BIN3: variants seen among roughly 807,000 people sequenced by gnomAD.
BIN3 encodes bridging integrator 3.
BIN3 carries 41 observed loss-of-function variants against 38.2 expected under a neutral mutation model. The ratio of observed to expected loss-of-function variants is 1.07; its 90% CI spans 0.84 to 1.39. The LOEUF (loss-of-function observed/expected upper bound fraction) is 1.39. Ranked by LOEUF, BIN3 falls within the 40% of genes most tolerant of loss-of-function variation. The pLI, the probability that BIN3 is intolerant of heterozygous loss-of-function variation, is 0.00. For synonymous variants in BIN3, 145 were observed against 122.6 expected, an observed-to-expected ratio of 1.18 and a Z score of -1.21; for missense variants, 361 against 324.3, an observed-to-expected ratio of 1.11 and a Z score of -0.87.
At chr8:22,632,778 G>A (rs1802247963) in intron 4 of BIN3, among the ~76,000 whole-genome samples, 1 of 144,886 alleles carries the variant, frequency 6.9e-6, no homozygotes, top group Admixed American at 7.3e-5. Flanking sequence ...GCATCATCTC[G>A]GCTCACTGCA....
In BIN3 at chr8:22,620,421, T is replaced by G. The variant is rs1017011308; in HGVS notation, c.*1001A>C. 2.3e-5 allele frequency: 3 copies of G among 128,844 alleles called. No homozygotes were observed. Among genetic ancestry groups the G allele is most frequent in the African/African-American group, 7.5e-5 (2 of 26,838 alleles). The allele number at this position is 128,844 out of a possible 1,614,324, so 8.0% of individuals were successfully genotyped here. On this transcript the variant is annotated 3_prime_UTR_variant, in exon 9 of 9. Transcript: ENST00000276416. ...GACTTTGTATATAAAGTTGGGGTTT[T>G]TTTTTTTTTTTTTTGGCTTGTTTTT...
chr8:22,656,973 G>C (rs963757250), intron 1 of BIN3, among the ~76,000 whole-genome samples: 9 of 152,350 alleles, frequency 5.9e-5, no homozygotes, highest in African/African-American at 1.9e-4. Context: ...GGCAAGGACT[G>C]AATGTCATGC....
chr8:22,648,167 T>C (rs1176663678), intron 1 of BIN3, among the ~76,000 whole-genome samples: 1 of 144,820 alleles, frequency 6.9e-6, no homozygotes, highest in Non-Finnish European at 1.5e-5. Flanking sequence ...AAAAGAAAAA[T>C]TGTGAAGGAA....
chr8:22,621,230 G>C lies in BIN3; in HGVS notation c.*192C>G. On this transcript the variant is annotated 3_prime_UTR_variant, in exon 9 of 9. Coordinates refer to ENST00000276416, the MANE Select transcript of BIN3 (RefSeq NM_018688.6). ...TCTACACTGCTTACCTGCTGGGGCTGTGAGTGGGGAGACGGCGGCCTGCCT... is the reference window on the plus strand; with the variant it reads ...TCTACACTGCTTACCTGCTGGGGCTCTGAGTGGGGAGACGGCGGCCTGCCT... The C allele has an allele frequency of 1.5e-6, 1 of 682,122 alleles. No homozygotes were observed. The highest frequency in any genetic ancestry group is 1.8e-5 in the African/African-American group (1 of 55,422). The allele number at this position is 682,122 out of a possible 1,614,324, so 42.3% of individuals were successfully genotyped here.
At chr8:22,622,523 G>C (rs1011664705) in intron 8 of BIN3, 1 of 152,484 alleles carries the variant, frequency 6.6e-6, no homozygotes, top group Non-Finnish European at 1.5e-5. Flanking sequence ...TGTGCGCTGA[G>C]TCACTGGGAA....
At chr8:22,634,208 A>C (rs1302242775) in intron 4 of BIN3, among the ~76,000 whole-genome samples, 1 of 152,218 alleles carries the variant, frequency 6.6e-6, no homozygotes. Context: ...AGTAACTCAG[A>C]CCTGAAATAA....
At chr8:22,634,245 C>T (rs1353341509) in intron 4 of BIN3, among the ~76,000 whole-genome samples, 1 of 152,222 alleles carries the variant, frequency 6.6e-6, no homozygotes, top group Non-Finnish European at 1.5e-5. Context: ...TGCAGACAAA[C>T]TCCCAAATCC....
chr8:22,622,160 G>A (rs562503731), intron 8 of BIN3, among the ~76,000 whole-genome samples: 9 of 152,338 alleles, frequency 5.9e-5, no homozygotes, highest in African/African-American at 2.2e-4. Flanking sequence ...ACAGGGTTGA[G>A]GGTGGGGCAG....
intron 1 of BIN3, among the ~76,000 whole-genome samples, chr8:22,660,073 A>G (rs774238243): frequency 7.2e-5 from 11 of 152,214 alleles, no homozygotes; most frequent in Non-Finnish European, 1.2e-4. Flanking sequence ...GGCCCAAGTG[A>G]TAAGTCTGCC....
At chr8:22,660,169 C>A (rs570285967) in intron 1 of BIN3, among the ~76,000 whole-genome samples, 1 of 152,232 alleles carries the variant, frequency 6.6e-6, no homozygotes, top group East Asian at 1.9e-4. Flanking sequence ...GAGAGGAAGG[C>A]AGGCAACTCA....
At chr8:22,667,275 T>C (rs1803451807) in intron 1 of BIN3, among the ~76,000 whole-genome samples, 3 of 152,262 alleles carry the variant, frequency 2.0e-5, no homozygotes, top group Admixed American at 2.0e-4. Context: ...CCTGACAGGA[T>C]AACCTTTAAG....
In BIN3 at chr8:22,630,595, C is replaced by G; in HGVS notation, c.161-17G>C. The G allele has an allele frequency of 1.2e-6, 2 of 1,613,440 alleles. No individual in the cohort carries two copies. Among genetic ancestry groups the G allele is most frequent in the Non-Finnish European group, 1.7e-6 (2 of 1,179,584 alleles). ...TTGACATGGCTGTGGGAAGCCAAAG[C>G]TCGGTGAACCTTCTATGAAGGGGCA... On this transcript the variant is annotated splice_polypyrimidine_tract_variant and intron_variant, in intron 4 of 8. Transcript: ENST00000276416.
chr8:22,621,713 C>T (rs1468830562), intron 8 of BIN3, 145 bp from the exon 9 acceptor site: 10 of 858,280 alleles, frequency 1.2e-5, no homozygotes, highest in South Asian at 1.7e-5. Flanking sequence ...ATGCAGGGCA[C>T]GGAAGGGCTC....
At chr8:22,654,639 G>C (rs1246692912) in intron 1 of BIN3, among the ~76,000 whole-genome samples, 1 of 152,202 alleles carries the variant, frequency 6.6e-6, no homozygotes, top group Non-Finnish European at 1.5e-5. Flanking sequence ...GGTCATCCAT[G>C]TCATAGCATA....
intron 1 of BIN3, among the ~76,000 whole-genome samples, chr8:22,649,850 C>CAT (rs60254873): frequency 0.05 from 6,034 of 120,516 alleles, 282 homozygotes; most frequent in East Asian, 0.16. Context: ...CACACACACA[C>CAT]ACACACACCC....
rs73229844 is a variant in BIN3, at chr8:22,648,383, G to T, written c.9-3580C>A. On this transcript the variant is annotated intron_variant, in intron 1 of 8. Transcript: ENST00000276416. ...CACCTTCAGTCACTATGTGCCCCGA[G>T]GCTCCGCTTGGCTGTGACAGTTCCT... Among the ~76,000 whole-genome samples the T allele has an allele frequency of 2.6e-5, 4 of 151,862 alleles. No homozygotes were observed. The East Asian group carries it at 7.8e-4, about 29-fold the overall frequency.
rs1802385702 is a variant in BIN3, at chr8:22,636,926, GAA to G, written c.92_93del (p.Leu31ProfsTer42). On this transcript the variant is annotated frameshift_variant, in exon 3 of 9. Coordinates refer to ENST00000276416, the MANE Select transcript of BIN3 (RefSeq NM_018688.6). LOFTEE classifies it high-confidence loss of function. ...CTTTCTGGGGTTGACACTCACTGCT[GAA>G]GTTTTCCATACTCCCTTTCAAAGTC... ...ERDFEREYGK[L>X]QQLEEQTRRL... The G allele has an allele frequency of 6.2e-7, 1 of 1,612,998 alleles. No homozygotes were observed. The highest frequency in any genetic ancestry group is 1.3e-5 in the African/African-American group (1 of 75,014).
intron 2 of BIN3, among the ~76,000 whole-genome samples, chr8:22,644,413 A>G (rs1215565799): frequency 1.3e-5 from 2 of 152,324 alleles, no homozygotes; most frequent in African/African-American, 2.4e-5. Context: ...GGTGGGGGCC[A>G]CTCTTTCAGG....
intron 4 of BIN3, among the ~76,000 whole-genome samples, chr8:22,631,054 G>C (rs981934996): frequency 2.0e-5 from 3 of 152,102 alleles, no homozygotes; most frequent in Non-Finnish European, 2.9e-5. Flanking sequence ...GGCTTCGTGG[G>C]CCATACAATT....
Sources: gnomAD v4.1 joint callset for allele counts (sites outside exome capture counted in the v4.1 genomes callset) on GRCh38, gnomAD v4.1.1 for gene constraint, MANE v1.5 for transcripts, NCBI Gene and HGNC (gene_info 2026-07-23, HGNC 2026-07-21) for gene names.